Variants in GTSE1 observed in about 807,000 individuals in gnomAD.
The protein encoded by GTSE1 is G2 and S-phase expressed 1, also known as G2 and S phase-expressed protein 1.
In GTSE1, 52 loss-of-function variants were observed where a neutral mutation model predicts 60.5. The observed-to-expected ratio is 0.86, with a 90% CI of 0.69 to 1.08. GTSE1 has a LOEUF of 1.08. Among genes scored for constraint, GTSE1 ranks in the 50% least tolerant of loss-of-function variants. The pLI is 0.00. For synonymous variants in GTSE1, 368 were observed against 386.5 expected (o/e 0.95, Z 0.56); for missense variants, 937 against 961.8 (o/e 0.97, Z 0.34).
chr22:46,329,520 C>T lies in GTSE1; in HGVS notation c.2089C>T (p.Pro697Ser). The T allele has an allele frequency of 6.2e-7, 1 of 1,614,166 alleles. No individual in the cohort carries two copies. ...RPLIDLMTNTPDMNKNVAKPS... is the reference protein window; with the variant it reads ...RPLIDLMTNTSDMNKNVAKPS... The stretch of plus-strand genomic sequence containing the variant: ...TCTGATCGACCTCATGACAAACACT[C>T]CAGACATGAATAAAAATGTGGCCAA... The change falls in exon 11 of 12, where the codon CCA becomes TCA. Residue 697 changes from proline to serine, a missense_variant. Physicochemically the swap from Pro to Ser is moderately conservative, Grantham distance 74. Coordinates refer to ENST00000454366, the MANE Select transcript of GTSE1 (RefSeq NM_016426.7). This position sits in a 1 kb window ranked among gnomAD's most constrained non-coding sequence, Gnocchi z 6.4.
intron 7 of GTSE1, among the ~76,000 whole-genome samples, chr22:46,322,071 CTCAAAAA>C (rs2077816217): frequency 9.1e-4 from 88 of 96,190 alleles, no homozygotes; most frequent in African/African-American, 3.8e-3. Flanking sequence ...GAGACTCTGT[CTCAAAAA>C]AAAAAAAAAA....
chr22:46,328,913 G>A, intron 10 of GTSE1, 24 bp downstream of exon 10: 7 of 1,586,262 alleles, frequency 4.4e-6, no homozygotes, highest in Non-Finnish European at 5.2e-6. Flanking sequence ...GCGCAGCTGG[G>A]TTCTGTTAGC....
chr22:46,314,110 G>T lies in GTSE1; in HGVS notation c.1051+97G>T. 1.3e-6 allele frequency: 2 copies of T among 1,496,790 alleles called. No homozygotes were observed. The highest frequency in any genetic ancestry group is 3.4e-5 in the Admixed American group (2 of 58,346). 92.7% of individuals were successfully genotyped at this position (1,496,790 alleles called of 1,614,324 possible). ...AGACTGTTTCTGCAGAACCACTTAGGCTTGGCAGGACGTCCCGGAGGGCGT... is the reference window on the plus strand; with the variant it reads ...AGACTGTTTCTGCAGAACCACTTAGTCTTGGCAGGACGTCCCGGAGGGCGT... On this transcript the variant is annotated intron_variant, in intron 6 of 11. Coordinates refer to ENST00000454366, the MANE Select transcript of GTSE1 (RefSeq NM_016426.7). The surrounding 1 kb of genome is among the most constrained non-coding windows in gnomAD (Gnocchi z 7.1).
At position 46,310,872 on chromosome 22, in the gene GTSE1, G is replaced by A. The variant is rs948666701; in HGVS notation, c.763-1269G>A. On this transcript the variant is annotated intron_variant, in intron 4 of 11. Transcript: ENST00000454366. This position sits in a 1 kb window ranked among gnomAD's most constrained non-coding sequence, Gnocchi z 4.4. ...CTGAACCCAGGAGGTGGAGGTTGCA[G>A]TGAGCCAAGATGGCACCACTGAAAA... 2.6e-5 allele frequency among the ~76,000 whole-genome samples: 4 copies of A among 152,208 alleles called. No individual in the cohort carries two copies. The highest frequency in any genetic ancestry group is 4.4e-5 in the Non-Finnish European group (3 of 68,040).
intron 4 of GTSE1, among the ~76,000 whole-genome samples, chr22:46,311,202 CG>C (rs1284289826): frequency 6.6e-6 from 1 of 152,042 alleles, no homozygotes; most frequent in African/African-American, 2.4e-5. Flanking sequence ...CTCAGCCTCC[CG>C]AGTAGCTGGG....
chr22:46,321,787 T>C lies in GTSE1; in HGVS notation c.1433-1403T>C, dbSNP rs1434269502. On this transcript the variant is annotated intron_variant, in intron 7 of 11. Transcript: ENST00000454366. The surrounding 1 kb of genome is among the most constrained non-coding windows in gnomAD (Gnocchi z 4.0). ...TTGATAGAGGTGATTTTTAAAAGAA[T>C]AGGAGAGGCTGGGGCAGTGGCTCAC... is the stretch of plus-strand genomic sequence containing the variant. Among the ~76,000 whole-genome samples the C allele has an allele frequency of 6.6e-6, 1 of 151,986 alleles. No homozygotes were observed. The highest frequency in any genetic ancestry group is 1.5e-5 in the Non-Finnish European group (1 of 67,966).
rs1274678736 is a variant in GTSE1, at chr22:46,329,283, G to A, written c.1927-75G>A. On this transcript the variant is annotated intron_variant, in intron 10 of 11. Transcript: ENST00000454366. This position sits in a 1 kb window ranked among gnomAD's most constrained non-coding sequence, Gnocchi z 6.4. The stretch of plus-strand genomic sequence containing the variant: ...AACCGCCAGCCCACCTGGAACATGA[G>A]CAAAGCTCACATTCTCCCAAGATGG... The A allele has an allele frequency of 9.6e-6, 12 of 1,253,794 alleles. No homozygotes were observed. Among genetic ancestry groups the A allele is most frequent in the Middle Eastern group, 1.9e-4 (1 of 5,320 alleles). 77.7% of individuals were successfully genotyped at this position (1,253,794 alleles called of 1,614,324 possible). A position where few individuals can be genotyped will look rare whatever the true frequency, so the allele number is the denominator to read the frequency against.
rs2077811941 is a variant in GTSE1 at position 46,321,430 on chromosome 22, A to C, written c.1433-1760A>C. On this transcript the variant is annotated intron_variant, in intron 7 of 11. Coordinates refer to ENST00000454366, the MANE Select transcript of GTSE1 (RefSeq NM_016426.7). This position sits in a 1 kb window ranked among gnomAD's most constrained non-coding sequence, Gnocchi z 4.0. ...TGTAAGAAAGAAAAGAAACAAACAA[A>C]CTGAAAACGGAGGTGGAGAGAGGGT... Among the ~76,000 whole-genome samples the C allele has an allele frequency of 6.6e-6, 1 of 152,000 alleles. No individual in the cohort carries two copies. Among genetic ancestry groups the C allele is most frequent in the Non-Finnish European group, 1.5e-5 (1 of 67,998 alleles).
In GTSE1 at chr22:46,326,536, C is replaced by T. The variant is rs765339862; in HGVS notation, c.1606C>T (p.Arg536Trp). The T allele has an allele frequency of 1.1e-5, 17 of 1,614,006 alleles. No individual in the cohort carries two copies. Among genetic ancestry groups the T allele is most frequent in the South Asian group, 5.5e-5 (5 of 91,076 alleles). Reference sequence around the variant, plus strand: ...GTCAGCCTTGCCCACACCCGCCAGCCGGCGCTGCTCTGGCCTTCCACCGAT... The same window carrying T: ...GTCAGCCTTGCCCACACCCGCCAGCTGGCGCTGCTCTGGCCTTCCACCGAT... ...RVSALPTPASRRCSGLPPMTP... is the reference protein window; with the variant it reads ...RVSALPTPASWRCSGLPPMTP... Residue 536 changes from arginine to tryptophan, a missense_variant, in exon 9 of 12, where the codon CGG (arginine) becomes TGG (tryptophan). By Grantham distance (101) the Arg-to-Trp change is moderately radical. Transcript: ENST00000454366.
At position 46,314,806 on chromosome 22, in the gene GTSE1, G is replaced by A. The variant is rs182605778; in HGVS notation, c.1051+793G>A. Among the ~76,000 whole-genome samples, 1,341 of 149,660 alleles carry A rather than the reference G, an allele frequency of 9.0e-3. 12 individuals are homozygous for A. The highest frequency in any genetic ancestry group is 0.014 in the Non-Finnish European group (915 of 67,736). On this transcript the variant is annotated intron_variant, in intron 6 of 11. Transcript: ENST00000454366. The surrounding 1 kb of genome is among the most constrained non-coding windows in gnomAD (Gnocchi z 7.1). ...CACGAGAATGGCTTGAACGCGGGAGGCAGAGGTTACCATGAGCCGAGATTG... is the reference window on the plus strand; with the variant it reads ...CACGAGAATGGCTTGAACGCGGGAGACAGAGGTTACCATGAGCCGAGATTG...
intron 2 of GTSE1, among the ~76,000 whole-genome samples, chr22:46,298,985 CCT>C (rs561385678): frequency 5.3e-4 from 80 of 152,306 alleles, no homozygotes; most frequent in Middle Eastern, 3.4e-3. Context: ...TTTTTTTCCG[CCT>C]CTCAATCCCT....
At chr22:46,301,523 T>C (rs1397079582) in intron 2 of GTSE1, among the ~76,000 whole-genome samples, 1 of 151,914 alleles carries the variant, frequency 6.6e-6, no homozygotes, top group African/African-American at 2.4e-5. Context: ...GTTTCCCTTT[T>C]GTCCCCTAGG....
rs2077767017 is a variant in GTSE1, at chr22:46,314,448, C to T, written c.1051+435C>T. 6.6e-6 allele frequency among the ~76,000 whole-genome samples: 1 copy of T among 152,178 alleles called. No homozygotes were observed. The highest frequency in any genetic ancestry group is 1.5e-5 in the Non-Finnish European group (1 of 68,034). On this transcript the variant is annotated intron_variant, in intron 6 of 11. Transcript: ENST00000454366. This position sits in a 1 kb window ranked among gnomAD's most constrained non-coding sequence, Gnocchi z 7.1. ...CAAGCCACATTTCAACCTTGCCAAGCCACAGCTGCCATCTAGTGGTAAGGG... is the reference window on the plus strand; with the variant it reads ...CAAGCCACATTTCAACCTTGCCAAGTCACAGCTGCCATCTAGTGGTAAGGG...
intron 2 of GTSE1, among the ~76,000 whole-genome samples, chr22:46,307,941 G>A (rs1250220231): frequency 1.3e-5 from 2 of 152,102 alleles, no homozygotes; most frequent in Non-Finnish European, 1.5e-5. Context: ...GCGAGACTTC[G>A]TCACTAGAAA....
At chr22:46,322,575 T>A (rs1167147572) in intron 7 of GTSE1, among the ~76,000 whole-genome samples, 1 of 152,194 alleles carries the variant, frequency 6.6e-6, no homozygotes, top group Non-Finnish European at 1.5e-5. Flanking sequence ...ACTGGACCTC[T>A]GGGGCCTGTG....
chr22:46,302,777 T>G lies in GTSE1; in HGVS notation c.79+5298T>G, dbSNP rs902882085. Among the ~76,000 whole-genome samples, 8 of 152,206 alleles carry G rather than the reference T, an allele frequency of 5.3e-5. 1 individual carries two copies. The highest frequency in any genetic ancestry group is 1.7e-4 in the African/African-American group (7 of 41,446). ...GTTTAGGGCTTTGTTTTTTTTCCAT[T>G]AAGTCCTTGATTTGTTTGGAATTAG... On this transcript the variant is annotated intron_variant, in intron 2 of 11. Coordinates refer to ENST00000454366, the MANE Select transcript of GTSE1 (RefSeq NM_016426.7).
At position 46,312,246 on chromosome 22, in the gene GTSE1, G is replaced by A; in HGVS notation, c.868G>A (p.Val290Met). 2 of 1,614,140 alleles carry A rather than the reference G, an allele frequency of 1.2e-6. No individual in the cohort carries two copies. The highest frequency in any genetic ancestry group is 1.7e-6 in the Non-Finnish European group (2 of 1,180,016). Reference sequence around the variant, plus strand: ...CAAACCTGCCCCGGGTGCTGTCAATGTGCCGGCCGCCGGAAGCCACTTGGG... The same window carrying A: ...CAAACCTGCCCCGGGTGCTGTCAATATGCCGGCCGCCGGAAGCCACTTGGG... ...PDKPAPGAVN[V>M]PAAGSHLGQG... The change falls in exon 5 of 12, where the codon GTG becomes ATG. Residue 290 changes from valine (V) to methionine (M), a missense_variant. Transcript: ENST00000454366.
At chr22:46,301,741 G>C (rs1283778721) in intron 2 of GTSE1, among the ~76,000 whole-genome samples, 1 of 151,860 alleles carries the variant, frequency 6.6e-6, no homozygotes, top group Non-Finnish European at 1.5e-5. Context: ...CACCCGCCTC[G>C]ACCTTCCAAA....
At chr22:46,326,359 A>G (rs3817874) in intron 8 of GTSE1, 77 bp from the exon 9 acceptor site, 306,983 of 1,270,896 alleles carry the variant, frequency 0.24, 52,164 homozygotes, top group African/African-American at 0.84. Flanking sequence ...TCAGCACTGC[A>G]TTAGCACAGG....
Sources: allele counts gnomAD v4.1 joint callset (sites outside exome capture counted in the v4.1 genomes callset), GRCh38; gene constraint gnomAD v4.1.1; non-coding constraint Gnocchi (gnomAD v3.1); transcripts MANE v1.5; gene names NCBI Gene and HGNC (gene_info 2026-07-23, HGNC 2026-07-21).